DTNBP1: variants seen among roughly 807,000 people sequenced by gnomAD.
The protein encoded by DTNBP1 is dysbindin.
In DTNBP1, 35 loss-of-function variants were observed where a neutral mutation model predicts 42.8. That is an observed-to-expected ratio of 0.82 (90% CI 0.63 to 1.09). The LOEUF is 1.09. Among genes scored for constraint, DTNBP1 ranks in the 50% least tolerant of loss-of-function variants. DTNBP1 has a pLI of 0.00. For synonymous variants in DTNBP1, 171 were observed against 162.2 expected, an observed-to-expected ratio of 1.05 and a Z score of -0.41; for missense variants, 457 against 424.2, an observed-to-expected ratio of 1.08 and a Z score of -0.68.
chr6:15,529,449 T>C (rs1240176252), intron 8 of DTNBP1, among the ~76,000 whole-genome samples: 3 of 152,246 alleles, frequency 2.0e-5, no homozygotes, highest in African/African-American at 7.2e-5. Flanking sequence ...CTCAAAATCA[T>C]AGCACTTAGG....
chr6:15,570,511 A>G (rs556115812), intron 7 of DTNBP1, among the ~76,000 whole-genome samples: 1 of 152,244 alleles, frequency 6.6e-6, no homozygotes, highest in Non-Finnish European at 1.5e-5. Context: ...GCTGGAACTA[A>G]GCAAGTTTGA....
At chr6:15,530,553 A>C (rs9296979) in intron 8 of DTNBP1, among the ~76,000 whole-genome samples, 24,520 of 152,108 alleles carry the variant, frequency 0.16, 3,059 homozygotes, top group African/African-American at 0.34. Flanking sequence ...CAGCCCGCTG[A>C]CTTGCTAGCT....
chr6:15,538,750 G>A (rs572005795), intron 7 of DTNBP1, among the ~76,000 whole-genome samples: 68 of 152,270 alleles, frequency 4.5e-4, no homozygotes, highest in African/African-American at 1.4e-3. Flanking sequence ...CAGACACCCT[G>A]CTCCGCTGAG....
intron 7 of DTNBP1, among the ~76,000 whole-genome samples, chr6:15,544,403 A>G (rs1021597115): frequency 1.3e-5 from 2 of 152,220 alleles, no homozygotes; most frequent in Non-Finnish European, 2.9e-5. Context: ...GAAAATAAGT[A>G]CTTTCTCTTG....
At chr6:15,616,499 G>A (rs970406462) in intron 5 of DTNBP1, among the ~76,000 whole-genome samples, 2 of 152,206 alleles carry the variant, frequency 1.3e-5, no homozygotes, top group African/African-American at 4.8e-5. Context: ...ACAGATGAGG[G>A]AAAGCTCAGC....
intron 7 of DTNBP1, among the ~76,000 whole-genome samples, chr6:15,534,108 C>T (rs931012013): frequency 1.3e-5 from 2 of 152,178 alleles, no homozygotes; most frequent in Admixed American, 1.3e-4. Context: ...TGTGCTTCCA[C>T]TCATATGAGG....
chr6:15,658,718 A>G (rs1361196401), intron 1 of DTNBP1, among the ~76,000 whole-genome samples: 2 of 152,238 alleles, frequency 1.3e-5, no homozygotes, highest in African/African-American at 4.8e-5. Flanking sequence ...GTGGCTTCGA[A>G]GTATGTACTT....
intron 7 of DTNBP1, among the ~76,000 whole-genome samples, chr6:15,562,326 A>G (rs2113480399): frequency 6.6e-6 from 1 of 152,224 alleles, no homozygotes; most frequent in Non-Finnish European, 1.5e-5. Context: ...TTATAGCAGC[A>G]TTTACTTATC....
chr6:15,656,182 G>A (rs974744544), intron 1 of DTNBP1, among the ~76,000 whole-genome samples: 1 of 152,160 alleles, frequency 6.6e-6, no homozygotes, highest in Non-Finnish European at 1.5e-5. Context: ...CTGGGCTAAG[G>A]TGAAATAAAG....
intron 3 of DTNBP1, among the ~76,000 whole-genome samples, chr6:15,642,212 C>T (rs187889911): frequency 9.2e-5 from 14 of 152,334 alleles, no homozygotes; most frequent in African/African-American, 3.4e-4. Flanking sequence ...GAGACTCTCC[C>T]TGAGCCCATT....
At chr6:15,603,113 G>A (rs1010980155) in intron 6 of DTNBP1, among the ~76,000 whole-genome samples, 5 of 152,178 alleles carry the variant, frequency 3.3e-5, no homozygotes, top group African/African-American at 1.2e-4. Context: ...AGACACTTTA[G>A]AGCAAAAATT....
At chr6:15,565,863 A>G (rs1479012002) in intron 7 of DTNBP1, among the ~76,000 whole-genome samples, 1 of 152,258 alleles carries the variant, frequency 6.6e-6, no homozygotes, top group Non-Finnish European at 1.5e-5. Flanking sequence ...CTGTTTGAAA[A>G]CAAAAATCTC....
intron 7 of DTNBP1, chr6:15,533,657 AC>A (rs1773032212): frequency 1.6e-6 from 1 of 606,430 alleles, no homozygotes; most frequent in African/African-American, 1.8e-5. Flanking sequence ...CGACCTTCCC[AC>A]CCGCATCGCC....
chr6:15,580,156 A>G (rs1775764783), intron 7 of DTNBP1, among the ~76,000 whole-genome samples: 1 of 152,360 alleles, frequency 6.6e-6, no homozygotes, highest in South Asian at 2.1e-4. Context: ...ACTGCAACTG[A>G]AAGCAGCCAG....
At chr6:15,539,020 C>T (rs1343077105) in intron 7 of DTNBP1, among the ~76,000 whole-genome samples, 2 of 152,210 alleles carry the variant, frequency 1.3e-5, no homozygotes, top group Admixed American at 1.3e-4. Context: ...GCACCACACT[C>T]TCAACTCCGG....
At chr6:15,575,089 A>G (rs1775505035) in intron 7 of DTNBP1, among the ~76,000 whole-genome samples, 1 of 152,148 alleles carries the variant, frequency 6.6e-6, no homozygotes, top group African/African-American at 2.4e-5. Flanking sequence ...TTCTACACAA[A>G]CCGAATCCAC....
chr6:15,615,791 C>T (rs1399838660), intron 5 of DTNBP1, among the ~76,000 whole-genome samples: 2 of 152,234 alleles, frequency 1.3e-5, no homozygotes, highest in Non-Finnish European at 2.9e-5. Context: ...AACCTAATTA[C>T]ACCTATACTT....
rs147314734 is a variant in DTNBP1, at chr6:15,594,066, A to T, written c.489-985T>A. ...CAGCCAAAGTGAAGGTTCTTAAATC[A>T]GATGGTCATCCCACTCCGTTTTTTC... is the stretch of plus-strand genomic sequence containing the variant. On this transcript the variant is annotated intron_variant, in intron 6 of 9. Coordinates refer to ENST00000344537, the MANE Select transcript of DTNBP1 (RefSeq NM_032122.5). Among the ~76,000 whole-genome samples the T allele has an allele frequency of 3.0e-3, 457 of 152,368 alleles. 12 individuals are homozygous for T. The highest frequency in any genetic ancestry group is 0.027 in the Admixed American group (418 of 15,294).
At chr6:15,540,710 C>T (rs1488833570) in intron 7 of DTNBP1, among the ~76,000 whole-genome samples, 3 of 152,076 alleles carry the variant, frequency 2.0e-5, no homozygotes, top group African/African-American at 2.4e-5. Context: ...GGCGCGATCT[C>T]GGCTCACTGC....
Sources: gnomAD v4.1 joint callset for allele counts (sites outside exome capture counted in the v4.1 genomes callset) on GRCh38, gnomAD v4.1.1 for gene constraint, MANE v1.5 for transcripts, NCBI Gene and HGNC (gene_info 2026-07-23, HGNC 2026-07-21) for gene names.